Variants in PHF8 observed in about 807,000 individuals in gnomAD.
PHF8 encodes PHD finger protein 8.
A neutral mutation model predicts 74.4 loss-of-function variants in PHF8; 9 were observed. The ratio of observed to expected loss-of-function variants is 0.12; its 90% CI spans 0.07 to 0.21. The LOEUF is 0.21. PHF8 is among the 10% of genes least tolerant of loss of function. The pLI is 1.00. For missense variants in PHF8, 478 were observed against 816.6 expected (o/e 0.59, Z 5.05); for synonymous variants, 311 against 316.6 (o/e 0.98, Z 0.19).
chrX:53,944,541 G>C, intron 19 of PHF8: 2 of 264,960 alleles, frequency 7.5e-6, no homozygotes, highest in South Asian at 1.6e-4. Context: ...GGTGAGGTGG[G>C]ACCCTGTCAC....
Position 53,987,809 on chromosome X carries a change from G to A in PHF8, c.1866C>T (p.Asp622=), listed in dbSNP as rs782030345. 3.2e-5 allele frequency: 38 copies of A among 1,206,201 alleles called. No individual in the cohort carries two copies. In the Admixed American group the frequency reaches 4.0e-4, roughly 13 times the overall value. The change falls in exon 15 of 22, where the codon GAC becomes GAT. Residue 622 remains aspartate, a synonymous_variant. Coordinates refer to ENST00000338154, the MANE Select transcript of PHF8 (RefSeq NM_015107.3). The stretch of plus-strand genomic sequence containing the variant: ...TCGCCTTCTCCTTTCCCAATCTCTC[G>A]TCAATCTGCAGCTCATCATCTGAAT... ...DLDSDDELQI[D]ERLGKEKATL...
intron 2 of PHF8, among the ~76,000 whole-genome samples, chrX:54,040,902 C>T (rs2066541156): frequency 8.9e-6 from 1 of 111,997 alleles, no homozygotes; most frequent in South Asian, 3.7e-4. Context: ...AAGGTCCCAC[C>T]CTCTAGGGTT....
rs1052026469 is a variant in PHF8 at position 53,995,677 on chromosome X, G to A, written c.1323+16C>T. The stretch of plus-strand genomic sequence containing the variant: ...CCTTTCCAAATGCCTTTTCTTCCCT[G>A]CCCCATGCTCCTTACTTCCACCAGG... On this transcript the variant is annotated intron_variant, in intron 12 of 21. Coordinates refer to ENST00000338154, the MANE Select transcript of PHF8 (RefSeq NM_015107.3). The A allele has an allele frequency of 9.0e-7, 1 of 1,111,627 alleles. No homozygotes were observed. The allele number at this position is 1,111,627 out of a possible 1,213,427, so 91.6% of individuals were successfully genotyped here.
rs1242351839 is a variant in PHF8 at position 54,043,846 on chromosome X, G to A, written c.-177C>T. The A allele has an allele frequency of 2.7e-6, 2 of 752,418 alleles. No individual in the cohort carries two copies. Among genetic ancestry groups the A allele is most frequent in the Non-Finnish European group, 3.1e-6 (2 of 638,300 alleles). 62.0% of individuals were successfully genotyped at this position (752,418 alleles called of 1,213,427 possible). A position where few individuals can be genotyped will look rare whatever the true frequency, so the allele number is the denominator to read the frequency against. ...ACGTCTTCAGTCCAGAATCCTACAG[G>A]GACCTCCTCATGCTTTGGGCTGCAA... On this transcript the variant is annotated 5_prime_UTR_variant, in exon 1 of 22. Transcript: ENST00000338154.
intron 18 of PHF8, among the ~76,000 whole-genome samples, chrX:53,975,862 AATT>A (rs1557095896): frequency 2.7e-5 from 3 of 112,289 alleles, no homozygotes; most frequent in Non-Finnish European, 5.6e-5. Flanking sequence ...GCTAGAAGAG[AATT>A]ATAATGTTTC....
chrX:53,952,227 T>A (rs146762909), intron 19 of PHF8, among the ~76,000 whole-genome samples: 209 of 106,264 alleles, frequency 2.0e-3, no homozygotes, highest in African/African-American at 6.9e-3. Context: ...GAGGTTATAA[T>A]GAGCTGAAAT....
intron 2 of PHF8, among the ~76,000 whole-genome samples, chrX:54,030,333 G>C (rs1557112294): frequency 9.0e-6 from 1 of 111,401 alleles, no homozygotes; most frequent in East Asian, 2.8e-4. Flanking sequence ...TTACCACCTG[G>C]GACCAAGGGT....
chrX:54,022,721 G>C, intron 3 of PHF8, 37 bp downstream of exon 3: 2 of 928,575 alleles, frequency 2.2e-6, no homozygotes, highest in Non-Finnish European at 3.1e-6. Context: ...TCTCTCCTCT[G>C]GATTGTCTTC....
chrX:53,952,081 C>T (rs2064933050), intron 19 of PHF8, among the ~76,000 whole-genome samples: 2 of 108,913 alleles, frequency 1.8e-5, no homozygotes, highest in South Asian at 8.2e-4. Flanking sequence ...GTCAAGAGTT[C>T]GAGACCAGCC....
chrX:54,012,025 A>G (rs2065991206), intron 7 of PHF8, among the ~76,000 whole-genome samples: 1 of 111,401 alleles, frequency 9.0e-6, no homozygotes, highest in Non-Finnish European at 1.9e-5. Flanking sequence ...TCAGGTCTGT[A>G]GATTAGGTAC....
intron 5 of PHF8, 30 bp from the exon 6 acceptor site, chrX:54,016,766 G>C: frequency 8.6e-7 from 1 of 1,160,333 alleles, no homozygotes; most frequent in Middle Eastern, 2.4e-4. Flanking sequence ...TCTGCACCAA[G>C]TAGTCTCAGG....
At chrX:53,961,566 G>T (rs914686715) in intron 19 of PHF8, among the ~76,000 whole-genome samples, 1 of 111,317 alleles carries the variant, frequency 9.0e-6, no homozygotes, top group South Asian at 3.7e-4. Flanking sequence ...TGTTCTGCCC[G>T]CCTTGGCCTC....
chrX:54,016,878 G>T, intron 5 of PHF8, 142 bp from the exon 6 acceptor site: 3 of 510,241 alleles, frequency 5.9e-6, no homozygotes, highest in Non-Finnish European at 3.3e-6. Flanking sequence ...TGTTTGTTTG[G>T]GGGGCAGGGG....
At chrX:54,006,194 G>T (rs1042397395) in intron 8 of PHF8, among the ~76,000 whole-genome samples, 1 of 111,758 alleles carries the variant, frequency 8.9e-6, no homozygotes, top group Non-Finnish European at 1.9e-5. Flanking sequence ...AAGAGGTAAG[G>T]TTTTGGGCCC....
chrX:54,036,371 A>G (rs1192296313), intron 2 of PHF8, among the ~76,000 whole-genome samples: 2 of 108,878 alleles, frequency 1.8e-5, no homozygotes, highest in Admixed American at 9.9e-5. Context: ...TAACAGAACG[A>G]TAACAGGAAA....
intron 8 of PHF8, among the ~76,000 whole-genome samples, chrX:54,005,390 C>T (rs781796574): frequency 8.6e-4 from 89 of 103,568 alleles, no homozygotes; most frequent in Non-Finnish European, 1.5e-3. Context: ...GAGCCGAGAT[C>T]GCTCCACTAC....
At chrX:54,033,587 C>T (rs1360963400) in intron 2 of PHF8, among the ~76,000 whole-genome samples, 1 of 111,606 alleles carries the variant, frequency 9.0e-6, no homozygotes, top group Admixed American at 9.5e-5. Flanking sequence ...GTGGCATGTG[C>T]CTGTAATCCC....
chrX:53,996,271 G>A (rs1320138748), intron 11 of PHF8, among the ~76,000 whole-genome samples: 2 of 109,155 alleles, frequency 1.8e-5, no homozygotes, highest in African/African-American at 6.7e-5. Flanking sequence ...GAGCCACTAC[G>A]CCCAGCTAAT....
chrX:54,032,854 T>C (rs2066385877), intron 2 of PHF8, among the ~76,000 whole-genome samples: 3 of 111,511 alleles, frequency 2.7e-5, no homozygotes, highest in South Asian at 7.6e-4. Flanking sequence ...CCAGGTTTGA[T>C]CTGTGGTCCA....
Sources: gnomAD v4.1 joint callset for allele counts (sites outside exome capture counted in the v4.1 genomes callset) on GRCh38, gnomAD v4.1.1 for gene constraint, MANE v1.5 for transcripts, NCBI Gene and HGNC (gene_info 2026-07-23, HGNC 2026-07-21) for gene names.